KCNQ3: variants seen among roughly 807,000 people sequenced by gnomAD.
KCNQ3 encodes the protein potassium voltage-gated channel subfamily KQT member 3.
A neutral mutation model predicts 92.5 loss-of-function variants in KCNQ3; 30 were observed. The observed-to-expected ratio is 0.32, with a 90% CI of 0.24 to 0.44. The LOEUF is 0.44. Ranked by LOEUF, KCNQ3 falls within the 20% of genes least tolerant of loss-of-function variation. KCNQ3 has a pLI of 1.00. For missense variants in KCNQ3, 913 were observed against 1,140.3 expected (o/e 0.80, Z 2.87); for synonymous variants, 450 against 468.8 (o/e 0.96, Z 0.52).
Position 132,128,836 on chromosome 8 carries a change from G to C in KCNQ3, c.*426C>G, listed in dbSNP as rs10956640. The C allele has an allele frequency of 0.25, 45,704 of 181,588 alleles. 6,050 individuals carry two copies. Among genetic ancestry groups the C allele is most frequent in the South Asian group, 0.35 (2,597 of 7,490 alleles). 11.2% of individuals were successfully genotyped at this position (181,588 alleles called of 1,614,324 possible). On this transcript the variant is annotated 3_prime_UTR_variant, in exon 15 of 15. Coordinates refer to ENST00000388996, the MANE Select transcript of KCNQ3 (RefSeq NM_004519.4). ...TTGCTTTCAAAAACAGTTAATTGCTGGAGCGTTTTACACAAGAGGGCAGTG... is the reference window on the plus strand; with the variant it reads ...TTGCTTTCAAAAACAGTTAATTGCTCGAGCGTTTTACACAAGAGGGCAGTG...
intron 1 of KCNQ3, among the ~76,000 whole-genome samples, chr8:132,379,941 T>C (rs1336381871): frequency 4.0e-5 from 6 of 151,764 alleles, no homozygotes; most frequent in African/African-American, 1.5e-4. Context: ...TATGATTGTA[T>C]GAAGGCCAAC....
At chr8:132,138,790 ATTCAAAG>A (rs1210190369) in intron 11 of KCNQ3, among the ~76,000 whole-genome samples, 1 of 152,228 alleles carries the variant, frequency 6.6e-6, no homozygotes, top group African/African-American at 2.4e-5. Flanking sequence ...TTAATGGTGC[ATTCAAAG>A]TTCATTTTGT....
At chr8:132,353,040 C>T (rs1359301397) in intron 1 of KCNQ3, among the ~76,000 whole-genome samples, 1 of 152,160 alleles carries the variant, frequency 6.6e-6, no homozygotes, top group Non-Finnish European at 1.5e-5. Flanking sequence ...GCCTGCCCAA[C>T]ATGGCGAAAC....
rs1824467007 is a variant in KCNQ3, at chr8:132,121,484, A to G, written c.*7778T>C. The G allele has an allele frequency of 6.6e-6, 1 of 152,184 alleles. No homozygotes were observed. The highest frequency in any genetic ancestry group is 2.1e-4 in the South Asian group (1 of 4,822). 9.4% of individuals were successfully genotyped at this position (152,184 alleles called of 1,614,324 possible). A position where few individuals can be genotyped will look rare whatever the true frequency, so the allele number is the denominator to read the frequency against. On this transcript the variant is annotated 3_prime_UTR_variant, in exon 15 of 15. Transcript: ENST00000388996. ...CCCCAAATCTTGCAACTTGGCCACC[A>G]CCTGGACTCTTAACCCTCAGGGGAA... is the stretch of plus-strand genomic sequence containing the variant.
At chr8:132,461,959 G>A (rs1822070720) in intron 1 of KCNQ3, among the ~76,000 whole-genome samples, 1 of 152,140 alleles carries the variant, frequency 6.6e-6, no homozygotes, top group African/African-American at 2.4e-5. Context: ...ATTTCTCCAA[G>A]TCAGTGGCTT....
chr8:132,291,446 C>A (rs1450681722), intron 1 of KCNQ3, among the ~76,000 whole-genome samples: 1 of 152,152 alleles, frequency 6.6e-6, no homozygotes, highest in Non-Finnish European at 1.5e-5. Context: ...GATGTCAAAT[C>A]ATGTAAATCT....
In KCNQ3 at chr8:132,255,827, T is replaced by C. The variant is rs1165782992; in HGVS notation, c.387-69646A>G. Among the ~76,000 whole-genome samples, 5 of 152,356 alleles carry C rather than the reference T, an allele frequency of 3.3e-5. No homozygotes were observed. In the East Asian group the frequency reaches 9.6e-4, roughly 29 times the overall value. On this transcript the variant is annotated intron_variant, in intron 1 of 14. Coordinates refer to ENST00000388996, the MANE Select transcript of KCNQ3 (RefSeq NM_004519.4). ...AGGAATACAGACCTTACAGTGTTAATTCAGAAAATTCATTTAAAAATTACA... is the reference window on the plus strand; with the variant it reads ...AGGAATACAGACCTTACAGTGTTAACTCAGAAAATTCATTTAAAAATTACA...
chr8:132,266,020 C>T (rs964149793), intron 1 of KCNQ3, among the ~76,000 whole-genome samples: 3 of 152,160 alleles, frequency 2.0e-5, no homozygotes, highest in Non-Finnish European at 2.9e-5. Context: ...TGAACCACTG[C>T]CAGACAATTC....
In KCNQ3 at chr8:132,465,347, T is replaced by C. The variant is rs372698084; in HGVS notation, c.386+14800A>G. ...TCACCAGGATTGAAGTTGTCCATGC[T>C]TATTTAAAATAACTCTCTTGGGAGT... On this transcript the variant is annotated intron_variant, in intron 1 of 14. Coordinates refer to ENST00000388996, the MANE Select transcript of KCNQ3 (RefSeq NM_004519.4). 1.4e-4 allele frequency among the ~76,000 whole-genome samples: 21 copies of C among 152,342 alleles called. No homozygotes were observed. In the East Asian group the frequency reaches 2.3e-3, roughly 17 times the overall value.
chr8:132,130,087 T>TG (rs933499648), intron 14 of KCNQ3, 91 bp from the exon 15 acceptor site: 30 of 1,251,760 alleles, frequency 2.4e-5, no homozygotes, highest in Admixed American at 1.1e-4. Context: ...TTTTTTTGTT[T>TG]TTTTTTTTTT....
In KCNQ3 at chr8:132,141,339, A is replaced by G. The variant is rs2130944780; in HGVS notation, c.1263-8T>C. On this transcript the variant is annotated splice_polypyrimidine_tract_variant and splice_region_variant and intron_variant, in intron 9 of 14. Transcript: ENST00000388996. Reference sequence around the variant, plus strand: ...AAGAGACCCAGCTTTTGGCTACAAAATAAGCAAAAGTGAACAATTTTCCTC... The same window carrying G: ...AAGAGACCCAGCTTTTGGCTACAAAGTAAGCAAAAGTGAACAATTTTCCTC... The G allele has an allele frequency of 6.2e-7, 1 of 1,613,902 alleles. No individual in the cohort carries two copies. Among genetic ancestry groups the G allele is most frequent in the Non-Finnish European group, 8.5e-7 (1 of 1,179,902 alleles).
chr8:132,145,111 G>A (rs914079082), intron 9 of KCNQ3, among the ~76,000 whole-genome samples: 4 of 152,176 alleles, frequency 2.6e-5, no homozygotes, highest in African/African-American at 9.7e-5. Flanking sequence ...AGCCAGGGAT[G>A]CTGTTAAACA....
At chr8:132,408,406 A>G (rs1447118311) in intron 1 of KCNQ3, among the ~76,000 whole-genome samples, 2 of 152,022 alleles carry the variant, frequency 1.3e-5, no homozygotes, top group Non-Finnish European at 2.9e-5. Flanking sequence ...CCTGACCTTC[A>G]ATCCAGCTGG....
intron 1 of KCNQ3, among the ~76,000 whole-genome samples, chr8:132,384,285 C>A (rs1423229200): frequency 6.6e-6 from 1 of 152,202 alleles, no homozygotes; most frequent in East Asian, 1.9e-4. Context: ...CTGGTAGGGA[C>A]TGAGCACCAA....
At chr8:132,433,440 C>G (rs1821303445) in intron 1 of KCNQ3, among the ~76,000 whole-genome samples, 1 of 152,222 alleles carries the variant, frequency 6.6e-6, no homozygotes, top group African/African-American at 2.4e-5. Context: ...TGACCGCAGA[C>G]ACAGCATTCT....
At chr8:132,159,133 T>C (rs952865440) in intron 9 of KCNQ3, among the ~76,000 whole-genome samples, 4 of 152,220 alleles carry the variant, frequency 2.6e-5, no homozygotes, top group Non-Finnish European at 4.4e-5. Flanking sequence ...ATAGTTATTA[T>C]TGCTGTTCAA....
At chr8:132,400,581 T>A (rs562685933) in intron 1 of KCNQ3, among the ~76,000 whole-genome samples, 1 of 152,290 alleles carries the variant, frequency 6.6e-6, no homozygotes, top group Non-Finnish European at 1.5e-5. Flanking sequence ...CCACACCAGA[T>A]CCAGCCAGGC....
At position 132,137,998 on chromosome 8, in the gene KCNQ3, G is replaced by A. The variant is rs1234368488; in HGVS notation, c.1587C>T (p.Leu529=). 1 of 1,611,446 alleles carries A rather than the reference G, an allele frequency of 6.2e-7. No individual in the cohort carries two copies. The highest frequency in any genetic ancestry group is 8.5e-7 in the Non-Finnish European group (1 of 1,179,934). Residue 529 remains leucine (L), a synonymous_variant, in exon 12 of 15, where the codon CTC becomes CTT. Transcript: ENST00000388996. ...IRAVRILQFR[L]YKKKFKETLR... ...AAGTCTCCTTGAATTTTTTTTTATA[G>A]AGACGGAATTGTAGAATTCTGCAAG...
Position 132,186,132 on chromosome 8 carries a change from T to C in KCNQ3, c.436A>G (p.Lys146Glu). The C allele has an allele frequency of 6.2e-7, 1 of 1,613,876 alleles. No homozygotes were observed. Among genetic ancestry groups the C allele is most frequent in the Non-Finnish European group, 8.5e-7 (1 of 1,179,832 alleles). Residue 146 changes from lysine to glutamate, a missense_variant, in exon 2 of 15, where the codon AAG becomes GAG. Physicochemically the swap from Lys to Glu is moderately conservative, Grantham distance 56. This residue lies in a region of KCNQ3 where 100 missense variants were observed against 217.6 expected (regional missense o/e 0.46). Transcript: ENST00000388996. ...CLILAVLTTF[K>E]EYETVSGDWL... ...TCTCCCGAGACAGTCTCATACTCCT[T>C]GAATGTGGTCAGGACAGCCAGAATC...
Sources: allele counts gnomAD v4.1 joint callset (sites outside exome capture counted in the v4.1 genomes callset), GRCh38; gene constraint gnomAD v4.1.1; regional missense constraint gnomAD v4.1.1; transcripts MANE v1.5; gene names NCBI Gene and HGNC (gene_info 2026-07-23, HGNC 2026-07-21).